VAV3: variants seen among roughly 807,000 people sequenced by gnomAD.
VAV3 encodes the protein guanine nucleotide exchange factor VAV3.
In VAV3, 94 loss-of-function variants were observed where a neutral mutation model predicts 131.2. The observed-to-expected ratio is 0.72, with a 90% confidence interval of 0.61 to 0.85. The LOEUF is 0.85. Among genes scored for constraint, VAV3 ranks in the 40% least tolerant of loss-of-function variants. The pLI, the probability that VAV3 is intolerant of heterozygous loss-of-function variation, is 0.00. For synonymous variants in VAV3, 349 were observed against 342.0 expected (o/e 1.02, Z -0.22); for missense variants, 939 against 1,002.7 (o/e 0.94, Z 0.86).
chr1:107,804,892 T>C (rs1238005373), intron 2 of VAV3, among the ~76,000 whole-genome samples: 1 of 152,024 alleles, frequency 6.6e-6, no homozygotes, highest in African/African-American at 2.4e-5. Flanking sequence ...AAAGATTATC[T>C]CTCTTTCATA....
At chr1:107,662,395 G>A (rs1179546084) in intron 19 of VAV3, among the ~76,000 whole-genome samples, 1 of 152,012 alleles carries the variant, frequency 6.6e-6, no homozygotes, top group Non-Finnish European at 1.5e-5. Flanking sequence ...TTCCTGAAAG[G>A]ATTTCTATAA....
chr1:107,934,918 G>A (rs983224398), intron 1 of VAV3, among the ~76,000 whole-genome samples: 5 of 152,182 alleles, frequency 3.3e-5, no homozygotes, highest in African/African-American at 4.8e-5. Context: ...GCACGACCAG[G>A]CTATCTGCAG....
At chr1:107,818,313 G>A (rs932487340) in intron 2 of VAV3, among the ~76,000 whole-genome samples, 25 of 152,068 alleles carry the variant, frequency 1.6e-4, no homozygotes, top group African/African-American at 5.3e-4. Context: ...GAGCTCTACT[G>A]TGTTCCCTCA....
chr1:107,860,783 C>CT (rs1421963156), intron 2 of VAV3, among the ~76,000 whole-genome samples: 7 of 151,594 alleles, frequency 4.6e-5, no homozygotes, highest in Admixed American at 4.6e-4. Context: ...GCAGTCCCGG[C>CT]TACTCAGGAG....
At chr1:107,844,600 C>G (rs1668880236) in intron 2 of VAV3, among the ~76,000 whole-genome samples, 1 of 152,152 alleles carries the variant, frequency 6.6e-6, no homozygotes, top group South Asian at 2.1e-4. Context: ...GCACAGCAGT[C>G]TGAAGTCGAC....
intron 2 of VAV3, among the ~76,000 whole-genome samples, chr1:107,849,255 A>C (rs1338474665): frequency 6.6e-6 from 1 of 151,396 alleles, no homozygotes; most frequent in Non-Finnish European, 1.5e-5. Flanking sequence ...AAAAAAAAAA[A>C]AGTCTGCATA....
chr1:107,884,759 T>A (rs2101044309), intron 1 of VAV3, among the ~76,000 whole-genome samples: 1 of 151,906 alleles, frequency 6.6e-6, no homozygotes, highest in African/African-American at 2.4e-5. Context: ...CAAAAAAAAA[T>A]TAAACAATTT....
intron 1 of VAV3, among the ~76,000 whole-genome samples, chr1:107,925,851 AT>A (rs1160815997): frequency 6.6e-6 from 1 of 151,460 alleles, no homozygotes; most frequent in Non-Finnish European, 1.5e-5. Context: ...TATATACCAT[AT>A]ATGTATATAT....
intron 23 of VAV3, among the ~76,000 whole-genome samples, chr1:107,602,777 T>C (rs748527448): frequency 6.6e-6 from 1 of 152,182 alleles, no homozygotes; most frequent in Non-Finnish European, 1.5e-5. Flanking sequence ...TAGAAATTTA[T>C]ACTGTTAGTA....
At chr1:107,939,162 C>A (rs1673863928) in intron 1 of VAV3, among the ~76,000 whole-genome samples, 1 of 151,690 alleles carries the variant, frequency 6.6e-6, no homozygotes, top group Non-Finnish European at 1.5e-5. Context: ...GTTTTTTTTT[C>A]TAAACACTAA....
intron 2 of VAV3, among the ~76,000 whole-genome samples, chr1:107,854,207 G>A (rs1474350501): frequency 6.6e-6 from 1 of 152,198 alleles, no homozygotes; most frequent in Non-Finnish European, 1.5e-5. Flanking sequence ...TTACTCTGGA[G>A]GATGGGACAT....
intron 1 of VAV3, among the ~76,000 whole-genome samples, chr1:107,891,358 C>T (rs1043021450): frequency 6.6e-6 from 1 of 151,858 alleles, no homozygotes; most frequent in African/African-American, 2.4e-5. Flanking sequence ...TCTATACTAA[C>T]AGAATTCAGG....
chr1:107,908,867 AC>A (rs1557916910), intron 1 of VAV3, among the ~76,000 whole-genome samples: 85 of 139,920 alleles, frequency 6.1e-4, no homozygotes, highest in African/African-American at 2.2e-3. Context: ...ACACACACAC[AC>A]ACACACAATA....
chr1:107,902,749 G>A (rs12087627), intron 1 of VAV3, among the ~76,000 whole-genome samples: 38,151 of 151,840 alleles, frequency 0.25, 4,812 homozygotes, highest in South Asian at 0.28. Flanking sequence ...GAAGGAGAGC[G>A]AAGGCCAGTA....
chr1:107,933,489 T>C (rs1426339126), intron 1 of VAV3, among the ~76,000 whole-genome samples: 6 of 152,078 alleles, frequency 3.9e-5, no homozygotes, highest in African/African-American at 1.4e-4. Context: ...AAGTTAAAGC[T>C]CATCTACCCA....
chr1:107,739,772 A>G (rs1235959381), intron 15 of VAV3, among the ~76,000 whole-genome samples: 2 of 152,068 alleles, frequency 1.3e-5, no homozygotes, highest in African/African-American at 2.4e-5. Context: ...GGACACTAAG[A>G]AAATGCCAAA....
chr1:107,690,832 C>G (rs2101781798), intron 17 of VAV3, among the ~76,000 whole-genome samples: 2 of 152,250 alleles, frequency 1.3e-5, no homozygotes, highest in Middle Eastern at 3.4e-3. Flanking sequence ...TCATGGCCAC[C>G]ACATTCACCC....
At chr1:107,954,534 A>AT (rs5776909) in intron 1 of VAV3, among the ~76,000 whole-genome samples, 89 of 130,574 alleles carry the variant, frequency 6.8e-4, no homozygotes, top group African/African-American at 2.2e-3. Flanking sequence ...CCTGAGGCAA[A>AT]TTTTTTTTTT....
intron 2 of VAV3, among the ~76,000 whole-genome samples, chr1:107,786,792 GTGTGTT>G (rs1666031680): frequency 1.3e-5 from 2 of 152,150 alleles, no homozygotes; most frequent in African/African-American, 4.8e-5. Context: ...TGTAACTAGG[GTGTGTT>G]TGTTCATAGC....
Sources: gnomAD v4.1 joint callset for allele counts (sites outside exome capture counted in the v4.1 genomes callset) on GRCh38, gnomAD v4.1.1 for gene constraint, MANE v1.5 for transcripts, NCBI Gene and HGNC (gene_info 2026-07-23, HGNC 2026-07-21) for gene names.